The following PTPRD variants were observed in gnomAD, a reference collection of about 807,000 sequenced individuals.
PTPRD encodes the protein receptor-type tyrosine-protein phosphatase delta.
Under a neutral mutation model 214.5 loss-of-function variants are expected in PTPRD, and 34 were observed. The ratio of observed to expected loss-of-function variants is 0.16; its 90% CI spans 0.12 to 0.21. The LOEUF is 0.21. Ranked by LOEUF, PTPRD falls within the 10% of genes least tolerant of loss-of-function variation. PTPRD has a pLI of 1.00. For missense variants in PTPRD, 2,545 were observed against 2,398.7 expected, an observed-to-expected ratio of 1.06 and a Z score of -1.27; for synonymous variants, 1,128 against 845.7, an observed-to-expected ratio of 1.33 and a Z score of -5.79.
chr9:9,471,164 A>G (rs1050289756), intron 8 of PTPRD, among the ~76,000 whole-genome samples: 3 of 152,108 alleles, frequency 2.0e-5, no homozygotes, highest in African/African-American at 7.2e-5. Flanking sequence ...ATAATGTATC[A>G]TTTTCCCAGA....
chr9:9,884,017 A>G (rs141310625), intron 5 of PTPRD, among the ~76,000 whole-genome samples: 30 of 152,120 alleles, frequency 2.0e-4, no homozygotes, highest in African/African-American at 7.0e-4. Context: ...CCCTTAGTAC[A>G]TATTTATTTG....
At chr9:10,260,949 TAC>T (rs201481212) in intron 3 of PTPRD, among the ~76,000 whole-genome samples, 1,684 of 150,156 alleles carry the variant, frequency 0.011, 35 homozygotes, top group African/African-American at 0.039. Context: ...AGGGCATATA[TAC>T]ATGTGTGTGT....
chr9:8,503,924 T>C (rs538495553), intron 23 of PTPRD, among the ~76,000 whole-genome samples: 3 of 152,332 alleles, frequency 2.0e-5, no homozygotes, highest in Non-Finnish European at 2.9e-5. Context: ...ATGATTATTT[T>C]ACAGGGTTCT....
intron 39 of PTPRD, among the ~76,000 whole-genome samples, chr9:8,346,149 T>A (rs1857403730): frequency 6.6e-6 from 1 of 151,972 alleles, no homozygotes; most frequent in Admixed American, 6.6e-5. Context: ...AAAATCATCT[T>A]AGACTCTTTT....
intron 6 of PTPRD, among the ~76,000 whole-genome samples, chr9:9,765,369 A>C (rs2098698161): frequency 6.6e-6 from 1 of 152,208 alleles, no homozygotes; most frequent in Non-Finnish European, 1.5e-5. Context: ...TAGAACAGGC[A>C]TCAATTACTA....
At chr9:10,093,474 C>T (rs540515094) in intron 3 of PTPRD, among the ~76,000 whole-genome samples, 3 of 151,202 alleles carry the variant, frequency 2.0e-5, no homozygotes, top group East Asian at 2.0e-4. Context: ...AGCAGAAAAA[C>T]GGGAATGCTT....
intron 14 of PTPRD, among the ~76,000 whole-genome samples, chr9:8,604,532 C>A (rs545105758): frequency 2.0e-5 from 3 of 152,266 alleles, no homozygotes; most frequent in Non-Finnish European, 4.4e-5. Context: ...CCTGGCCATA[C>A]TGCCTCAGGG....
At chr9:8,956,067 T>C (rs2099129985) in intron 11 of PTPRD, among the ~76,000 whole-genome samples, 1 of 151,976 alleles carries the variant, frequency 6.6e-6, no homozygotes, top group South Asian at 2.1e-4. Flanking sequence ...AAAGCTGAAT[T>C]ATGGTGGAAA....
At chr9:8,820,378 C>G (rs1200860388) in intron 11 of PTPRD, among the ~76,000 whole-genome samples, 33 of 152,050 alleles carry the variant, frequency 2.2e-4, no homozygotes, top group Admixed American at 1.2e-3. Flanking sequence ...AAGAGAGTCT[C>G]TGCTCTCATA....
At chr9:8,644,536 G>A (rs56055933) in intron 12 of PTPRD, among the ~76,000 whole-genome samples, 6,651 of 152,202 alleles carry the variant, frequency 0.044, 439 homozygotes, top group African/African-American at 0.14. Flanking sequence ...AGGAGAGAAG[G>A]GCTGTGGCCC....
chr9:10,122,610 T>C (rs2098785037), intron 3 of PTPRD, among the ~76,000 whole-genome samples: 1 of 152,190 alleles, frequency 6.6e-6, no homozygotes. Context: ...AAAAACTTGA[T>C]TATCATACCA....
At chr9:9,581,467 G>T (rs931426695) in intron 7 of PTPRD, among the ~76,000 whole-genome samples, 3 of 152,102 alleles carry the variant, frequency 2.0e-5, no homozygotes, top group African/African-American at 7.2e-5. Context: ...TTTCAAGACT[G>T]TGAAGCTTAT....
chr9:10,340,677 T>C (rs1488745836), intron 3 of PTPRD, among the ~76,000 whole-genome samples: 1 of 151,874 alleles, frequency 6.6e-6, no homozygotes, highest in Non-Finnish European at 1.5e-5. Flanking sequence ...AATAAGATGA[T>C]TCACATTAAG....
chr9:9,802,798 C>G (rs10977996), intron 5 of PTPRD, among the ~76,000 whole-genome samples: 13,311 of 151,744 alleles, frequency 0.088, 1,735 homozygotes, highest in East Asian at 0.62. Context: ...CTGGCAACCT[C>G]CCCCTCCCTC....
intron 3 of PTPRD, among the ~76,000 whole-genome samples, chr9:10,246,356 G>A (rs2092099871): frequency 1.3e-5 from 2 of 152,206 alleles, no homozygotes. Flanking sequence ...TAATTCTCCT[G>A]CCTCAGCCTC....
intron 11 of PTPRD, among the ~76,000 whole-genome samples, chr9:9,017,352 A>T (rs1329690020): frequency 6.6e-6 from 1 of 152,138 alleles, no homozygotes; most frequent in Non-Finnish European, 1.5e-5. Flanking sequence ...AAATCTGTGT[A>T]TTACAGTTGA....
At chr9:9,335,883 G>T (rs991554824) in intron 9 of PTPRD, among the ~76,000 whole-genome samples, 2 of 151,900 alleles carry the variant, frequency 1.3e-5, no homozygotes, top group African/African-American at 4.8e-5. Flanking sequence ...AATGTAACAT[G>T]TTCAAATACA....
chr9:9,619,654 A>G (rs1006774118), intron 7 of PTPRD, among the ~76,000 whole-genome samples: 2 of 145,460 alleles, frequency 1.4e-5, no homozygotes, highest in Non-Finnish European at 3.0e-5. Flanking sequence ...TATTGTATAG[A>G]AATATTTTAA....
intron 9 of PTPRD, among the ~76,000 whole-genome samples, chr9:9,324,484 T>C (rs1158776545): frequency 2.6e-5 from 4 of 152,236 alleles, no homozygotes; most frequent in African/African-American, 9.6e-5. Flanking sequence ...TGCATAAATG[T>C]CTTCTTTTGA....
Sources: allele counts gnomAD v4.1 joint callset (sites outside exome capture counted in the v4.1 genomes callset), GRCh38; gene constraint gnomAD v4.1.1; transcripts MANE v1.5; gene names NCBI Gene and HGNC (gene_info 2026-07-23, HGNC 2026-07-21).